GABRG2: variants seen among roughly 807,000 people sequenced by gnomAD.
GABRG2 encodes the protein gamma-aminobutyric acid receptor subunit gamma-2.
Under a neutral mutation model 56.4 loss-of-function variants are expected in GABRG2, and 16 were observed. The observed-to-expected ratio is 0.28, with a 90% CI of 0.19 to 0.43. The LOEUF is 0.43. Ranked by LOEUF, GABRG2 falls within the 20% of genes least tolerant of loss-of-function variation. GABRG2 has a pLI of 1.00. For missense variants in GABRG2, 327 were observed against 582.7 expected, an observed-to-expected ratio of 0.56 and a Z score of 4.52; for synonymous variants, 208 against 205.5, an observed-to-expected ratio of 1.01 and a Z score of -0.10.
intron 1 of GABRG2, among the ~76,000 whole-genome samples, chr5:162,086,026 T>C (rs1285256729): frequency 6.6e-6 from 1 of 151,972 alleles, no homozygotes; most frequent in Non-Finnish European, 1.5e-5. Context: ...CCATTGTGAA[T>C]AGTGCTACAA....
chr5:162,134,777 A>C (rs1763996874), intron 6 of GABRG2, among the ~76,000 whole-genome samples: 1 of 152,080 alleles, frequency 6.6e-6, no homozygotes, highest in Non-Finnish European at 1.5e-5. Flanking sequence ...GCCAAAATAA[A>C]GCCATCTCAG....
intron 6 of GABRG2, among the ~76,000 whole-genome samples, chr5:162,120,975 A>G (rs1253900999): frequency 1.3e-5 from 2 of 152,160 alleles, no homozygotes; most frequent in Non-Finnish European, 2.9e-5. Flanking sequence ...AGACTGTATC[A>G]AGGGATATCA....
intron 3 of GABRG2, among the ~76,000 whole-genome samples, chr5:162,096,717 A>G (rs2910223): frequency 0.38 from 57,441 of 151,572 alleles, 11,137 homozygotes; most frequent in Non-Finnish European, 0.43. Context: ...CTCAGGCCTA[A>G]TGGTCTGAAT....
At chr5:162,113,837 A>G (rs1762425050) in intron 6 of GABRG2, among the ~76,000 whole-genome samples, 1 of 152,186 alleles carries the variant, frequency 6.6e-6, no homozygotes, top group Non-Finnish European at 1.5e-5. Flanking sequence ...TACTGATCAC[A>G]TTTCCTTATG....
intron 1 of GABRG2, among the ~76,000 whole-genome samples, chr5:162,076,702 A>T (rs1759140712): frequency 2.0e-5 from 3 of 152,208 alleles, no homozygotes; most frequent in African/African-American, 7.2e-5. Context: ...CTTGATGGTC[A>T]GGTCTATATT....
intron 9 of GABRG2, 109 bp from the exon 10 acceptor site, chr5:162,152,984 G>A (rs1765482926): frequency 7.8e-7 from 1 of 1,275,586 alleles, no homozygotes; most frequent in Non-Finnish European, 1.1e-6. Context: ...GCAATTTCCT[G>A]AGTACCCATT....
At chr5:162,130,178 A>G (rs1318667096) in intron 6 of GABRG2, among the ~76,000 whole-genome samples, 1 of 151,998 alleles carries the variant, frequency 6.6e-6, no homozygotes, top group African/African-American at 2.4e-5. Context: ...ACAAAATGAA[A>G]AACTTCCTGG....
intron 1 of GABRG2, among the ~76,000 whole-genome samples, chr5:162,081,217 T>G (rs564589370): frequency 1.3e-5 from 2 of 151,980 alleles, no homozygotes; most frequent in African/African-American, 4.8e-5. Flanking sequence ...CCCAAAAAAT[T>G]TTTTAAAATT....
intron 8 of GABRG2, chr5:162,149,812 C>T: frequency 2.8e-6 from 1 of 360,498 alleles, no homozygotes; most frequent in East Asian, 7.3e-5. Flanking sequence ...CGGGGTTTCA[C>T]CATATTGGTC....
At chr5:162,100,685 A>T (rs1761349173) in intron 4 of GABRG2, among the ~76,000 whole-genome samples, 1 of 152,206 alleles carries the variant, frequency 6.6e-6, no homozygotes, top group Non-Finnish European at 1.5e-5. Flanking sequence ...CTATTTAATG[A>T]CATCTTCTGG....
At chr5:162,145,045 A>G (rs1305666502) in intron 7 of GABRG2, among the ~76,000 whole-genome samples, 1 of 152,134 alleles carries the variant, frequency 6.6e-6, no homozygotes, top group Non-Finnish European at 1.5e-5. Flanking sequence ...GAGTCCCATT[A>G]CTTTTCTCAA....
chr5:162,082,096 A>G (rs750625756), intron 1 of GABRG2, among the ~76,000 whole-genome samples: 2 of 151,860 alleles, frequency 1.3e-5, no homozygotes, highest in Non-Finnish European at 2.9e-5. Context: ...TGAACTTTTC[A>G]GTGCTTATGT....
In GABRG2 at chr5:162,067,990, A is replaced by T. The variant is rs746505697; in HGVS notation, c.-10A>T. On this transcript the variant is annotated 5_prime_UTR_variant, in exon 1 of 10. Transcript: ENST00000639213. ...AGGCAAGAGGCGAGAGAAGGAAAAA[A>T]AAAAAAGCGATGAGTTCGCCAAATA... 3 of 1,600,460 alleles carry T rather than the reference A, an allele frequency of 1.9e-6. No homozygotes were observed. Among genetic ancestry groups the T allele is most frequent in the Non-Finnish European group, 2.6e-6 (3 of 1,168,262 alleles).
chr5:162,143,835 A>G (rs1300929332), intron 7 of GABRG2, among the ~76,000 whole-genome samples: 1 of 152,228 alleles, frequency 6.6e-6, no homozygotes, highest in African/African-American at 2.4e-5. Context: ...AATGTTGGCT[A>G]CTATAGTCAT....
chr5:162,120,005 G>T (rs958712968), intron 6 of GABRG2, among the ~76,000 whole-genome samples: 1 of 151,988 alleles, frequency 6.6e-6, no homozygotes, highest in Non-Finnish European at 1.5e-5. Flanking sequence ...CATGCCTAGT[G>T]CCTCTCAGAC....
At chr5:162,114,393 GA>G (rs1187706283) in intron 6 of GABRG2, among the ~76,000 whole-genome samples, 1 of 152,012 alleles carries the variant, frequency 6.6e-6, no homozygotes, top group Non-Finnish European at 1.5e-5. Flanking sequence ...CTGTAGAGAT[GA>G]AAAATATTAT....
chr5:162,067,976 G>T lies in GABRG2; in HGVS notation c.-24G>T, dbSNP rs997531721. On this transcript the variant is annotated 5_prime_UTR_variant, in exon 1 of 10. Transcript: ENST00000639213. Reference sequence around the variant, plus strand: ...CTTCTGCAACCAAGAGGCAAGAGGCGAGAGAAGGAAAAAAAAAAAAGCGAT... The same window carrying T: ...CTTCTGCAACCAAGAGGCAAGAGGCTAGAGAAGGAAAAAAAAAAAAGCGAT... The T allele has an allele frequency of 3.3e-6, 5 of 1,506,744 alleles. No homozygotes were observed. The highest frequency in any genetic ancestry group is 4.6e-6 in the Non-Finnish European group (5 of 1,085,296). 93.3% of individuals were successfully genotyped at this position (1,506,744 alleles called of 1,614,324 possible).
intron 6 of GABRG2, among the ~76,000 whole-genome samples, chr5:162,132,016 A>G (rs1316388556): frequency 6.6e-6 from 1 of 151,750 alleles, no homozygotes; most frequent in Non-Finnish European, 1.5e-5. Context: ...AGGAGAAAAT[A>G]AAAAATGGTG....
chr5:162,097,735 T>G lies in GABRG2; in HGVS notation c.425T>G (p.Val142Gly), dbSNP rs780317346. The G allele has an allele frequency of 6.2e-7, 1 of 1,613,846 alleles. No homozygotes were observed. Among genetic ancestry groups the G allele is most frequent in the Non-Finnish European group, 8.5e-7 (1 of 1,179,864 alleles). ...IKVLRLNSNMVGKIWIPDTFF... is the reference protein window; with the variant it reads ...IKVLRLNSNMGGKIWIPDTFF... ...GTCCTCCGATTGAACAGCAACATGG[T>G]GGGGAAAATCTGGATTCCAGACACT... is the stretch of plus-strand genomic sequence containing the variant. Residue 142 changes from valine (V) to glycine (G), a missense_variant, in exon 4 of 10, where the codon GTG (valine) becomes GGG (glycine). Val to Gly is a moderately radical substitution (Grantham distance 109). Coordinates refer to ENST00000639213, the MANE Select transcript of GABRG2 (RefSeq NM_198904.4).
Sources: allele counts gnomAD v4.1 joint callset (sites outside exome capture counted in the v4.1 genomes callset), GRCh38; gene constraint gnomAD v4.1.1; transcripts MANE v1.5; gene names NCBI Gene and HGNC (gene_info 2026-07-23, HGNC 2026-07-21).